The following LAMB4 variants were observed in gnomAD, a reference collection of about 807,000 sequenced individuals.
LAMB4 encodes laminin subunit beta 4.
In LAMB4, 196 loss-of-function variants were observed where a neutral mutation model predicts 199.2. The ratio of observed to expected loss-of-function variants is 0.98; its 90% CI spans 0.88 to 1.11. LAMB4 has a LOEUF of 1.11. Ranked by LOEUF, LAMB4 falls within the 50% of genes least tolerant of loss-of-function variation. The pLI is 0.00. For synonymous variants in LAMB4, 744 were observed against 770.6 expected, an observed-to-expected ratio of 0.97 and a Z score of 0.57; for missense variants, 2,080 against 2,171.2, an observed-to-expected ratio of 0.96 and a Z score of 0.83.
chr7:108,112,068 G>A (rs2038247798), intron 3 of LAMB4, 122 bp from the exon 4 acceptor site: 3 of 698,262 alleles, frequency 4.3e-6, no homozygotes, highest in East Asian at 3.1e-5. Flanking sequence ...AAAAGGCAGA[G>A]GAAATAACAA....
In LAMB4 at chr7:108,068,033, C is replaced by A; in HGVS notation, c.2429G>T (p.Gly810Val). 1 of 1,614,110 alleles carries A rather than the reference C, an allele frequency of 6.2e-7. No homozygotes were observed. The change falls in exon 19 of 34, where the codon GGG becomes GTG. Residue 810 changes from glycine (G) to valine (V), a missense_variant. Gly to Val is a moderately radical substitution (Grantham distance 109). Coordinates refer to ENST00000388781, the MANE Select transcript of LAMB4 (RefSeq NM_007356.3). ...CTACGTACGGTGACAGCCGTGATGC[C>A]CCAAATCATAGCTTCCAGTTGAGCA... Reference protein sequence around the residue: ...DRCSTGSYDLGHHGCHPCHCH... With the variant: ...DRCSTGSYDLVHHGCHPCHCH...
chr7:108,063,041 G>A (rs1427055409), intron 22 of LAMB4, 47 bp from the exon 23 acceptor site: 4 of 1,307,580 alleles, frequency 3.1e-6, no homozygotes, highest in Non-Finnish European at 4.2e-6. Flanking sequence ...TGATAAATGT[G>A]GCATTTAGCA....
chr7:108,012,475 A>G, the LAMB4 span, among the ~76,000 whole-genome samples: 1 of 152,266 alleles, frequency 6.6e-6, no homozygotes, highest in Non-Finnish European at 1.5e-5. Context: ...GTTTTGAAAT[A>G]TAAATGTTTG....
rs540899344 is a variant in LAMB4 at position 108,124,631 on chromosome 7, G to A, written c.-33-1434C>T. Among the ~76,000 whole-genome samples, 9 of 151,086 alleles carry A rather than the reference G, an allele frequency of 6.0e-5. No homozygotes were observed. The East Asian group carries it at 1.8e-3, about 29-fold the overall frequency. On this transcript the variant is annotated intron_variant, in intron 1 of 33. Transcript: ENST00000388781. ...TAACATGAGCCCTTACCAACATGGA[G>A]TATTATTTTTAAATATCTGTCAGTT...
intron 3 of LAMB4, among the ~76,000 whole-genome samples, chr7:108,112,390 C>G (rs1449856724): frequency 6.6e-6 from 1 of 151,072 alleles, no homozygotes; most frequent in Non-Finnish European, 1.5e-5. Context: ...CTCCTGGGTT[C>G]AAGAGACTCT....
intron 14 of LAMB4, 76 bp downstream of exon 14, chr7:108,091,550 T>A (rs2037401796): frequency 1.3e-6 from 2 of 1,483,184 alleles, no homozygotes; most frequent in Non-Finnish European, 1.8e-6. Flanking sequence ...TTAACCACGA[T>A]CTCAAGTATG....
Position 108,063,144 on chromosome 7 carries a change from A to C in LAMB4, c.3062-150T>G, listed in dbSNP as rs1584663139. 7 of 503,462 alleles carry C rather than the reference A, an allele frequency of 1.4e-5. No individual in the cohort carries two copies. In the East Asian group the frequency reaches 2.3e-4, roughly 17 times the overall value. The allele number at this position is 503,462 out of a possible 1,614,324, so 31.2% of individuals were successfully genotyped here. ...TATAATAGTAAAGAATTTACCAAAGAATCTATGTAGGTTGAACCCATTTAA... is the reference window on the plus strand; with the variant it reads ...TATAATAGTAAAGAATTTACCAAAGCATCTATGTAGGTTGAACCCATTTAA... On this transcript the variant is annotated intron_variant, in intron 22 of 33. Transcript: ENST00000388781.
rs1485143083 is a variant in LAMB4, at chr7:108,047,900, A to G, written c.4326+8T>C. The G allele has an allele frequency of 6.2e-7, 1 of 1,606,586 alleles. No homozygotes were observed. The highest frequency in any genetic ancestry group is 1.1e-5 in the South Asian group (1 of 90,910). ...AACTTTACAAATAAAGCAAGAGAAG[A>G]TATTTACCTGATTTTTCAACCCACG... On this transcript the variant is annotated splice_region_variant and intron_variant, in intron 28 of 33. Coordinates refer to ENST00000388781, the MANE Select transcript of LAMB4 (RefSeq NM_007356.3).
chr7:108,068,735 C>T (rs923689205), intron 18 of LAMB4, among the ~76,000 whole-genome samples: 1 of 152,012 alleles, frequency 6.6e-6, no homozygotes, highest in Admixed American at 6.6e-5. Context: ...ATTCTATGGC[C>T]CAGGCTGGAG....
In LAMB4 at chr7:108,094,443, T is replaced by A. The variant is rs114830743; in HGVS notation, c.1470+785A>T. On this transcript the variant is annotated intron_variant, in intron 12 of 33. Transcript: ENST00000388781. ...TCTTTCCCCCACCCCCTCTGCCCCA[T>A]CCTGTTTTCAGTAAAATGACTTAAA... Among the ~76,000 whole-genome samples the A allele has an allele frequency of 9.0e-4, 137 of 152,050 alleles. 1 individual carries two copies. The highest frequency in any genetic ancestry group is 3.2e-3 in the African/African-American group (131 of 41,492).
intron 32 of LAMB4, among the ~76,000 whole-genome samples, chr7:108,029,515 T>C (rs1196757088): frequency 2.0e-5 from 3 of 152,184 alleles, no homozygotes; most frequent in African/African-American, 7.2e-5. Context: ...AAGACAGAAA[T>C]GACCCAATCC....
chr7:108,127,907 C>T (rs183250989), intron 1 of LAMB4, among the ~76,000 whole-genome samples: 140 of 152,242 alleles, frequency 9.2e-4, no homozygotes, highest in Middle Eastern at 6.8e-3. Flanking sequence ...GGCAGACACA[C>T]CTGAAAGCAA....
chr7:108,029,849 G>C (rs10953557), intron 32 of LAMB4, among the ~76,000 whole-genome samples: 54,826 of 152,072 alleles, frequency 0.36, 11,332 homozygotes, highest in South Asian at 0.56. Context: ...GCCAGGCGTG[G>C]TGGCTCACGC....
At chr7:108,101,313 T>A in intron 10 of LAMB4, among the ~76,000 whole-genome samples, 1 of 152,148 alleles carries the variant, frequency 6.6e-6, no homozygotes, top group East Asian at 1.9e-4. Context: ...AGTGGCATCT[T>A]CCCTGGATAA....
In LAMB4 at chr7:108,079,657, C is replaced by T. The variant is rs764201020; in HGVS notation, c.1831G>A (p.Val611Ile). Residue 611 changes from valine to isoleucine, a missense_variant, in exon 15 of 34, where the codon GTC becomes ATC. Physicochemically the swap from Val to Ile is conservative, Grantham distance 29. Coordinates refer to ENST00000388781, the MANE Select transcript of LAMB4 (RefSeq NM_007356.3). The stretch of plus-strand genomic sequence containing the variant: ...TCCACAGGAAAGGGAATGTTGTTGA[C>T]AGCAAATCTCAAGCCAGCCCCAGGG... The part of the protein sequence containing the change: ...VLPGAGLRFA[V>I]NNIPFPVDFT... 2 of 1,613,090 alleles carry T rather than the reference C, an allele frequency of 1.2e-6. No homozygotes were observed. The highest frequency in any genetic ancestry group is 1.1e-5 in the South Asian group (1 of 90,688).
chr7:108,073,486 CT>C (rs2036601371), intron 17 of LAMB4, among the ~76,000 whole-genome samples: 1 of 152,182 alleles, frequency 6.6e-6, no homozygotes, highest in African/African-American at 2.4e-5. Context: ...ACCATGTAAT[CT>C]GGGTAACTGA....
chr7:108,068,199 A>G, intron 18 of LAMB4, 40 bp from the exon 19 acceptor site: 1 of 1,608,648 alleles, frequency 6.2e-7, no homozygotes. Flanking sequence ...ATGAATGAAG[A>G]GGCAGAGAAG....
intron 32 of LAMB4, 54 bp downstream of exon 32, chr7:108,030,752 C>A (rs1368520410): frequency 2.6e-6 from 4 of 1,557,754 alleles, no homozygotes; most frequent in Non-Finnish European, 3.5e-6. Context: ...AAAGAACTAT[C>A]TTTCAAAGAA....
intron 3 of LAMB4, among the ~76,000 whole-genome samples, chr7:108,113,041 C>G (rs2038285874): frequency 6.6e-6 from 1 of 152,172 alleles, no homozygotes; most frequent in African/African-American, 2.4e-5. Flanking sequence ...TGTTCTTCCT[C>G]CCAGCTAGTC....
Sources: allele counts gnomAD v4.1 joint callset (sites outside exome capture counted in the v4.1 genomes callset), GRCh38; gene constraint gnomAD v4.1.1; transcripts MANE v1.5; gene names NCBI Gene and HGNC (gene_info 2026-07-23, HGNC 2026-07-21).